The following TET3 variants were observed in gnomAD, a reference collection of about 807,000 sequenced individuals.
TET3 encodes the protein methylcytosine dioxygenase TET3.
Under a neutral mutation model 141.4 loss-of-function variants are expected in TET3, and 19 were observed. The observed-to-expected ratio is 0.13, with a 90% CI of 0.09 to 0.20. The LOEUF is 0.20. Among genes scored for constraint, TET3 ranks in the 10% least tolerant of loss-of-function variants. The pLI is 1.00. For synonymous variants in TET3, 1,043 were observed against 980.9 expected (o/e 1.06, Z -1.18); for missense variants, 1,874 against 2,356.9 (o/e 0.80, Z 4.24).
rs1684026635 is a variant in TET3 at position 73,986,383 on chromosome 2, G to T, written c.-21G>T. The T allele has an allele frequency of 1.6e-6, 2 of 1,232,178 alleles. No homozygotes were observed. Among genetic ancestry groups the T allele is most frequent in the Admixed American group, 4.2e-5 (1 of 23,726 alleles). 76.3% of individuals were successfully genotyped at this position (1,232,178 alleles called of 1,614,324 possible). A position where few individuals can be genotyped will look rare whatever the true frequency, so the allele number is the denominator to read the frequency against. On this transcript the variant is annotated 5_prime_UTR_variant, in exon 2 of 12. It removes an upstream start codon present in the reference 5' UTR. Coordinates refer to ENST00000409262, the MANE Select transcript of TET3 (RefSeq NM_001287491.2). ...ACTGTGGTTCTGCCCCAGCACCTAT[G>T]ACCCCACCTCTGGCAGCATCATGAG...
chr2:74,002,157 T>C (rs1406809731), intron 2 of TET3, among the ~76,000 whole-genome samples: 1 of 152,178 alleles, frequency 6.6e-6, no homozygotes, highest in Non-Finnish European at 1.5e-5. Context: ...GCTCTGCTGT[T>C]TCCTAGCCGC....
chr2:74,097,532 G>C (rs1283044914), intron 10 of TET3, among the ~76,000 whole-genome samples: 1 of 152,124 alleles, frequency 6.6e-6, no homozygotes, highest in African/African-American at 2.4e-5. Context: ...TCAGATCCTA[G>C]AAACAGGAGG....
chr2:74,016,749 A>G (rs545618565), intron 3 of TET3, among the ~76,000 whole-genome samples: 1 of 151,754 alleles, frequency 6.6e-6, no homozygotes, highest in East Asian at 1.9e-4. Flanking sequence ...CAAAAAAATA[A>G]AACCCACAAA....
In TET3 at chr2:74,048,071, T is replaced by C. The variant is rs1255773345; in HGVS notation, c.2154T>C (p.Phe718=). ...EELIRQFEAE[F]GDSFGLPGPP... ...TCATCCGGCAGTTTGAGGCTGAATT[T>C]GGAGATAGCTTTGGGCTTCCCGGCC... The change falls in exon 4 of 12, where the codon TTT becomes TTC. Residue 718 remains phenylalanine, a synonymous_variant. Coordinates refer to ENST00000409262, the MANE Select transcript of TET3 (RefSeq NM_001287491.2). 1 of 1,613,086 alleles carries C rather than the reference T, an allele frequency of 6.2e-7. No homozygotes were observed. Among genetic ancestry groups the C allele is most frequent in the East Asian group, 2.2e-5 (1 of 44,874 alleles).
chr2:74,014,713 A>AG (rs1685641445), intron 3 of TET3, among the ~76,000 whole-genome samples: 1 of 152,076 alleles, frequency 6.6e-6, no homozygotes. Context: ...GGGCAGTGAG[A>AG]GAAAAAAAAC....
chr2:74,114,781 G>T, the TET3 span, among the ~76,000 whole-genome samples: 95 of 142,270 alleles, frequency 6.7e-4, no homozygotes, highest in African/African-American at 2.4e-3. Flanking sequence ...TTGAACCCAG[G>T]AGGTGGAGAT....
chr2:74,010,116 G>A (rs1685350107), intron 3 of TET3, among the ~76,000 whole-genome samples: 1 of 152,256 alleles, frequency 6.6e-6, no homozygotes, highest in Non-Finnish European at 1.5e-5. Context: ...ACCCTGGGTA[G>A]TAGTTAGGGC....
intron 4 of TET3, among the ~76,000 whole-genome samples, chr2:74,062,424 A>G (rs1169015226): frequency 6.6e-6 from 1 of 152,250 alleles, no homozygotes; most frequent in African/African-American, 2.4e-5. Context: ...TTTCTAAAAC[A>G]AAAGATATTT....
chr2:74,034,564 C>A (rs919731001), intron 3 of TET3, among the ~76,000 whole-genome samples: 6 of 141,088 alleles, frequency 4.3e-5, no homozygotes, highest in Non-Finnish European at 7.5e-5. Flanking sequence ...ATGTAGTCCT[C>A]GAGCATTGAT....
At chr2:74,017,453 CTT>C (rs1267165180) in intron 3 of TET3, among the ~76,000 whole-genome samples, 2 of 152,158 alleles carry the variant, frequency 1.3e-5, no homozygotes, top group Non-Finnish European at 2.9e-5. Context: ...ATGAGATCAA[CTT>C]TTTTTAGCTT....
intron 3 of TET3, among the ~76,000 whole-genome samples, chr2:74,022,074 A>G (rs1247226548): frequency 2.4e-5 from 3 of 122,830 alleles, no homozygotes; most frequent in African/African-American, 9.6e-5. Flanking sequence ...TCCTGTTACT[A>G]TTTCAGTCTT....
In TET3 at chr2:74,019,052, G is replaced by A. The variant is rs544359471; in HGVS notation, c.360+15886G>A. Among the ~76,000 whole-genome samples the A allele has an allele frequency of 4.5e-4, 69 of 152,230 alleles. No individual in the cohort carries two copies. The South Asian group carries it at 4.6e-3, about 10-fold the overall frequency. On this transcript the variant is annotated intron_variant, in intron 3 of 11. Coordinates refer to ENST00000409262, the MANE Select transcript of TET3 (RefSeq NM_001287491.2). ...GCCTGAAGCCAGGAGTTTGAGATCA[G>A]CCAGGGTAACATAGTGAGACCCCCC...
chr2:73,993,100 C>T (rs1461372930), intron 2 of TET3: 2 of 152,216 alleles, frequency 1.3e-5, no homozygotes, highest in African/African-American at 4.8e-5. Flanking sequence ...AACATGGTGC[C>T]TGGGCCCCAC....
At chr2:74,066,594 G>T (rs1241817637) in intron 4 of TET3, among the ~76,000 whole-genome samples, 1 of 135,166 alleles carries the variant, frequency 7.4e-6, no homozygotes, top group Non-Finnish European at 1.6e-5. Context: ...ATAAGTAAAA[G>T]AAACTGCTTT....
intron 10 of TET3, among the ~76,000 whole-genome samples, chr2:74,095,405 C>T (rs979406909): frequency 6.6e-6 from 1 of 152,132 alleles, no homozygotes; most frequent in African/African-American, 2.4e-5. Flanking sequence ...TGATCTGGAT[C>T]GCAGAGCTTC....
chr2:74,126,350 A>G, the TET3 span, among the ~76,000 whole-genome samples: 1 of 152,198 alleles, frequency 6.6e-6, no homozygotes, highest in East Asian at 1.9e-4. Context: ...TTTTTGGCAT[A>G]GGACCTGTAT....
At chr2:74,095,512 T>G (rs910748486) in intron 10 of TET3, among the ~76,000 whole-genome samples, 1 of 152,218 alleles carries the variant, frequency 6.6e-6, no homozygotes, top group African/African-American at 2.4e-5. Context: ...TAAATAATAT[T>G]AAAAAGGTTG....
At chr2:74,038,264 T>C (rs1687170926) in intron 3 of TET3, among the ~76,000 whole-genome samples, 1 of 152,176 alleles carries the variant, frequency 6.6e-6, no homozygotes, top group Non-Finnish European at 1.5e-5. Flanking sequence ...GAGTTATGTC[T>C]CTTCTTGGAT....
intron 6 of TET3, among the ~76,000 whole-genome samples, chr2:74,086,807 A>AAAG (rs1356389761): frequency 6.6e-6 from 1 of 151,850 alleles, no homozygotes; most frequent in Non-Finnish European, 1.5e-5. Flanking sequence ...AAAAAAAAAA[A>AAAG]AAAAAAGTTT....
Sources: allele counts gnomAD v4.1 joint callset (sites outside exome capture counted in the v4.1 genomes callset), GRCh38; gene constraint gnomAD v4.1.1; transcripts MANE v1.5; gene names NCBI Gene and HGNC (gene_info 2026-07-23, HGNC 2026-07-21).